Variants in CFAP47 observed in about 807,000 individuals in gnomAD.
The protein encoded by CFAP47 is cilia- and flagella-associated protein 47.
In CFAP47, 29 loss-of-function variants were observed where a neutral mutation model predicts 148.1. The ratio of observed to expected loss-of-function variants is 0.20; its 90% CI spans 0.15 to 0.27. The LOEUF is 0.27. CFAP47 is among the 10% of genes least tolerant of loss of function. The pLI, the probability that CFAP47 is intolerant of heterozygous loss-of-function variation, is 1.00. For missense variants in CFAP47, 1,872 were observed against 1,697.5 expected, an observed-to-expected ratio of 1.10 and a Z score of -1.81; for synonymous variants, 664 against 577.3, an observed-to-expected ratio of 1.15 and a Z score of -2.15.
At chrX:36,144,439 T>C in intron 35 of CFAP47, 3 of 764,322 alleles carry the variant, frequency 3.9e-6, no homozygotes, top group Non-Finnish European at 5.0e-6. Context: ...ATTCAATAAT[T>C]GATTTACTAT....
At chrX:36,027,403 T>C (rs888997070) in intron 22 of CFAP47, among the ~76,000 whole-genome samples, 7 of 109,863 alleles carry the variant, frequency 6.4e-5, no homozygotes, top group Non-Finnish European at 1.1e-4. Context: ...TGTGTCTCCA[T>C]CGTTTACCTC....
At chrX:36,278,662 G>A (rs191454540) in intron 49 of CFAP47, among the ~76,000 whole-genome samples, 3 of 112,188 alleles carry the variant, frequency 2.7e-5, no homozygotes, top group African/African-American at 9.7e-5. Flanking sequence ...GAAATCACCC[G>A]TCTTCTGCGT....
chrX:35,924,528 C>T (rs887541981), intron 1 of CFAP47, among the ~76,000 whole-genome samples: 23 of 96,067 alleles, frequency 2.4e-4, no homozygotes, highest in Non-Finnish European at 4.0e-4. Flanking sequence ...TGTATATATG[C>T]ACATATATGT....
At chrX:36,379,728 A>C in intron 63 of CFAP47, 2 of 361,784 alleles carry the variant, frequency 5.5e-6, no homozygotes, top group Non-Finnish European at 9.8e-6. Flanking sequence ...AACAGTTGTC[A>C]ACACTAGAGG....
intron 1 of CFAP47, among the ~76,000 whole-genome samples, chrX:35,924,145 G>T (rs1817069827): frequency 1.0e-5 from 1 of 97,721 alleles, no homozygotes; most frequent in African/African-American, 4.2e-5. Context: ...ATGTGTACAT[G>T]TATGCGTACA....
intron 50 of CFAP47, among the ~76,000 whole-genome samples, chrX:36,280,899 A>C (rs56315925): frequency 0.02 from 2,278 of 111,976 alleles, 63 homozygotes; most frequent in African/African-American, 0.07. Context: ...TTCTGTCACT[A>C]TACAAAAGCA....
intron 22 of CFAP47, among the ~76,000 whole-genome samples, chrX:36,030,894 C>T (rs994956328): frequency 9.1e-6 from 1 of 109,858 alleles, no homozygotes; most frequent in Non-Finnish European, 1.9e-5. Flanking sequence ...ATAAATTTTC[C>T]TTCTGCATTT....
intron 62 of CFAP47, among the ~76,000 whole-genome samples, chrX:36,368,391 C>T (rs941893101): frequency 2.0e-4 from 22 of 110,672 alleles, no homozygotes; most frequent in Middle Eastern, 4.2e-3. Context: ...TTTTGCAGGG[C>T]GAGTGGAGAG....
chrX:36,381,406 A>G (rs893149768), intron 63 of CFAP47, among the ~76,000 whole-genome samples: 1 of 112,298 alleles, frequency 8.9e-6, no homozygotes. Flanking sequence ...TTTTAAATGA[A>G]TGATTTTAAG....
At chrX:36,085,670 A>ACACAC (rs1569254210) in intron 30 of CFAP47, 132 bp downstream of exon 30, 26 of 283,019 alleles carry the variant, frequency 9.2e-5, no homozygotes, top group African/African-American at 6.8e-4. Context: ...CACACACATA[A>ACACAC]ATATACACAC....
intron 39 of CFAP47, among the ~76,000 whole-genome samples, chrX:36,175,990 T>TATA (rs768516016): frequency 8.9e-6 from 1 of 111,836 alleles, no homozygotes; most frequent in African/African-American, 3.3e-5. Flanking sequence ...AGGTGCGGGA[T>TATA]ATAATCTCCT....
At chrX:36,104,198 T>G (rs2146796300) in intron 32 of CFAP47, among the ~76,000 whole-genome samples, 1 of 112,267 alleles carries the variant, frequency 8.9e-6, no homozygotes, top group Non-Finnish European at 1.9e-5. Flanking sequence ...TTAAATGAAT[T>G]TACATCCTAA....
In CFAP47 at chrX:36,379,415, A is replaced by T. The variant is rs1423504454; in HGVS notation, c.9251A>T (p.Gln3084Leu). The T allele has an allele frequency of 4.3e-6, 5 of 1,163,823 alleles. No homozygotes were observed. Among genetic ancestry groups the T allele is most frequent in the African/African-American group, 1.8e-5 (1 of 55,802 alleles). ...GATCTGGAGTTTTTTGTAAAACCTC[A>T]GGCTGGAGAACTTCTTCCTTTTAAC... ...GSDLEFFVKPQAGELLPFNTN... is the reference protein window; with the variant it reads ...GSDLEFFVKPLAGELLPFNTN... Residue 3084 changes from glutamine (Q) to leucine (L), a missense_variant, in exon 63 of 64, where the codon CAG (glutamine) becomes CTG (leucine). Physicochemically the swap from Gln to Leu is moderately radical, Grantham distance 113. Coordinates refer to ENST00000378653, the MANE Select transcript of CFAP47 (RefSeq NM_001304548.2).
intron 33 of CFAP47, among the ~76,000 whole-genome samples, chrX:36,118,963 G>GT (rs1425387254): frequency 8.9e-6 from 1 of 111,761 alleles, no homozygotes; most frequent in Admixed American, 9.5e-5. Flanking sequence ...CATTCTAATA[G>GT]TTTTTTTGAG....
intron 30 of CFAP47, among the ~76,000 whole-genome samples, chrX:36,089,184 A>G (rs1256674943): frequency 9.0e-6 from 1 of 110,711 alleles, no homozygotes; most frequent in Non-Finnish European, 1.9e-5. Context: ...CCTGGCCAAC[A>G]TGGAGAAGCC....
intron 2 of CFAP47, among the ~76,000 whole-genome samples, chrX:35,935,983 A>T (rs1211426817): frequency 9.0e-6 from 1 of 111,246 alleles, no homozygotes; most frequent in East Asian, 2.8e-4. Context: ...ATGCCTTTAC[A>T]TGATTTTCTT....
intron 33 of CFAP47, among the ~76,000 whole-genome samples, chrX:36,137,283 G>C (rs753599336): frequency 9.0e-6 from 1 of 111,342 alleles, no homozygotes; most frequent in East Asian, 2.8e-4. Flanking sequence ...AAAAGAAAAT[G>C]TCGCATTCAA....
intron 51 of CFAP47, among the ~76,000 whole-genome samples, chrX:36,297,508 C>T (rs1941254206): frequency 8.9e-6 from 1 of 112,151 alleles, no homozygotes; most frequent in South Asian, 3.7e-4. Flanking sequence ...GAGATGTGTC[C>T]TGTCTACTAA....
Position 36,138,423 on chromosome X carries a change from G to C in CFAP47, c.5494G>C (p.Val1832Leu). ...EEYLHNCLIIVNTLYEIDFDV... is the reference protein window; with the variant it reads ...EEYLHNCLIILNTLYEIDFDV... ...GTATCTGCACAATTGCCTGATTATT[G>C]TAAATACTCTTTATGAAATTGACTT... Residue 1832 changes from valine (V) to leucine (L), a missense_variant, in exon 35 of 64, where the codon GTA becomes CTA. By Grantham distance (32) the Val-to-Leu change is conservative. Transcript: ENST00000378653. 1 of 1,160,036 alleles carries C rather than the reference G, an allele frequency of 8.6e-7. No homozygotes were observed. The highest frequency in any genetic ancestry group is 2.7e-5 in the Admixed American group (1 of 37,487).
Sources: allele counts gnomAD v4.1 joint callset (sites outside exome capture counted in the v4.1 genomes callset), GRCh38; gene constraint gnomAD v4.1.1; transcripts MANE v1.5; gene names NCBI Gene and HGNC (gene_info 2026-07-23, HGNC 2026-07-21).